Variants in ADAM22 observed in about 807,000 individuals in gnomAD.
ADAM22 encodes the protein ADAM metallopeptidase domain 22.
A neutral mutation model predicts 144.6 loss-of-function variants in ADAM22; 65 were observed. The ratio of observed to expected loss-of-function variants is 0.45; its 90% CI spans 0.37 to 0.55. The LOEUF is 0.55. Among genes scored for constraint, ADAM22 ranks in the 20% least tolerant of loss-of-function variants. The probability of loss-of-function intolerance (pLI) is 0.00; values close to 1 mark genes in which losing one functional copy is unlikely to be tolerated. For missense variants in ADAM22, 974 were observed against 1,184.9 expected, an observed-to-expected ratio of 0.82 and a Z score of 2.61; for synonymous variants, 391 against 412.6, an observed-to-expected ratio of 0.95 and a Z score of 0.63.
intron 3 of ADAM22, among the ~76,000 whole-genome samples, chr7:88,006,028 G>A (rs1793760500): frequency 6.6e-6 from 1 of 151,864 alleles, no homozygotes; most frequent in South Asian, 2.1e-4. Flanking sequence ...TTCTCTTAAG[G>A]TAATAGTCAT....
At chr7:88,014,856 A>T (rs1013399386) in intron 3 of ADAM22, among the ~76,000 whole-genome samples, 2 of 152,196 alleles carry the variant, frequency 1.3e-5, no homozygotes, top group Non-Finnish European at 2.9e-5. Flanking sequence ...CTGCAGCAGA[A>T]TCACTTGGAT....
chr7:88,105,433 C>G (rs1414410668), intron 4 of ADAM22, among the ~76,000 whole-genome samples: 2 of 152,178 alleles, frequency 1.3e-5, no homozygotes, highest in Non-Finnish European at 2.9e-5. Flanking sequence ...GATCTCTGAT[C>G]CAATCCGATG....
intron 14 of ADAM22, among the ~76,000 whole-genome samples, chr7:88,138,495 C>T (rs1018143322): frequency 2.0e-5 from 3 of 152,060 alleles, no homozygotes; most frequent in Non-Finnish European, 2.9e-5. Context: ...TTGATTGCAC[C>T]AAATATCACC....
intron 3 of ADAM22, among the ~76,000 whole-genome samples, chr7:87,981,393 C>A (rs111760081): frequency 8.5e-5 from 13 of 152,074 alleles, no homozygotes; most frequent in African/African-American, 2.9e-4. Flanking sequence ...ATTTCAATAA[C>A]AACGAAATGG....
chr7:87,948,812 CTTATGAAACAGATTGTAAT>C (rs1385144541), intron 2 of ADAM22, among the ~76,000 whole-genome samples: 1 of 152,106 alleles, frequency 6.6e-6, no homozygotes, highest in Non-Finnish European at 1.5e-5. Flanking sequence ...AGAAGGTGTT[CTTATGAAACAGATTGTAAT>C]GTTGGGCTCA....
chr7:88,022,179 A>AACC (rs1797986578), intron 3 of ADAM22, among the ~76,000 whole-genome samples: 1 of 152,004 alleles, frequency 6.6e-6, no homozygotes, highest in Admixed American at 6.6e-5. Flanking sequence ...TACAGGCATG[A>AACC]ACCACCACTC....
chr7:88,163,960 G>A (rs576668223), intron 23 of ADAM22, among the ~76,000 whole-genome samples: 49 of 152,178 alleles, frequency 3.2e-4, no homozygotes, highest in Middle Eastern at 3.4e-3. Context: ...TAAGATAAAG[G>A]ATCCCTGTTT....
intron 3 of ADAM22, among the ~76,000 whole-genome samples, chr7:87,994,161 A>G (rs1584890078): frequency 6.7e-6 from 1 of 149,502 alleles, no homozygotes; most frequent in African/African-American, 2.5e-5. Context: ...AGTTACTGTC[A>G]TTCCTTTTTT....
intron 7 of ADAM22, among the ~76,000 whole-genome samples, chr7:88,119,022 G>A (rs564899685): frequency 1.3e-5 from 2 of 152,112 alleles, no homozygotes; most frequent in Non-Finnish European, 2.9e-5. Flanking sequence ...TCATCATCTT[G>A]TTATGTTTTA....
chr7:88,186,463 A>T (rs1433726451), intron 29 of ADAM22, 152 bp from the exon 30 acceptor site: 1 of 692,962 alleles, frequency 1.4e-6, no homozygotes, highest in Admixed American at 2.5e-5. Context: ...CATTGTATAG[A>T]CTGCCTCATA....
In ADAM22 at chr7:88,174,691, TTGTC is replaced by T. The variant is rs200627759; in HGVS notation, c.2300+3133_2300+3136del. 9.7e-4 allele frequency among the ~76,000 whole-genome samples: 147 copies of T among 152,250 alleles called. 4 individuals are homozygous for T. In the East Asian group the frequency reaches 0.018, roughly 19 times the overall value. Reference sequence around the variant, plus strand: ...TTAGCTGAAATCTTATTCTCTTCCTTTGTCTGAGATGAACACACACCATTATGAT... The same window carrying T: ...TTAGCTGAAATCTTATTCTCTTCCTTTGAGATGAACACACACCATTATGAT... On this transcript the variant is annotated intron_variant, in intron 26 of 31. Transcript: ENST00000413139.
intron 3 of ADAM22, among the ~76,000 whole-genome samples, chr7:88,051,543 G>T (rs1198676581): frequency 6.6e-6 from 1 of 151,778 alleles, no homozygotes; most frequent in Non-Finnish European, 1.5e-5. Context: ...ACACACCGGG[G>T]CCTGTTGTGG....
At chr7:87,936,386 T>A (rs1231239777) in intron 2 of ADAM22, among the ~76,000 whole-genome samples, 4 of 152,208 alleles carry the variant, frequency 2.6e-5, no homozygotes, top group African/African-American at 4.8e-5. Flanking sequence ...CTCGTTTCAA[T>A]GGTAAAACTG....
intron 24 of ADAM22, among the ~76,000 whole-genome samples, chr7:88,167,100 A>G (rs946356052): frequency 2.0e-5 from 3 of 152,146 alleles, no homozygotes; most frequent in Admixed American, 6.5e-5. Flanking sequence ...TGCCACTACT[A>G]TCATGGAGAA....
At chr7:88,108,454 G>T (rs187136998) in intron 5 of ADAM22, among the ~76,000 whole-genome samples, 196 bp downstream of exon 5, 2 of 151,770 alleles carry the variant, frequency 1.3e-5, no homozygotes, top group Non-Finnish European at 2.9e-5. Flanking sequence ...ATGGTCGGGC[G>T]TGGTGGCTCA....
Position 88,168,227 on chromosome 7 carries a change from A to C in ADAM22, c.2282A>C (p.Lys761Thr). 1 of 1,611,372 alleles carries C rather than the reference A, an allele frequency of 6.2e-7. No individual in the cohort carries two copies. The highest frequency in any genetic ancestry group is 8.5e-7 in the Non-Finnish European group (1 of 1,177,864). The stretch of plus-strand genomic sequence containing the variant: ...TTAGGAATAACTGCGTGGGGTTATA[A>C]GTAAGTGAAATGTCTCAGTCTTGTT... ...LILGITAWGY[K>T]NYREQRQLPQ... The change falls in exon 25 of 32, where the codon AAA becomes ACA. Residue 761 changes from lysine (K) to threonine (T), a missense_variant and splice_region_variant. Lys to Thr is a moderately conservative substitution (Grantham distance 78). Around this residue, in one of 2 missense-constraint regions of ADAM22, gnomAD observed 734 missense variants for 950.6 expected, o/e 0.77. Coordinates refer to ENST00000413139, the MANE Select transcript of ADAM22 (RefSeq NM_001324418.2).
chr7:88,014,601 G>C (rs112808220), intron 3 of ADAM22, among the ~76,000 whole-genome samples: 5,009 of 152,198 alleles, frequency 0.033, 243 homozygotes, highest in African/African-American at 0.11. Context: ...AAATTAGTCA[G>C]GGGTGGTGGC....
chr7:88,162,097 T>TACAC (rs61053925), intron 22 of ADAM22, among the ~76,000 whole-genome samples: 9,533 of 136,672 alleles, frequency 0.07, 366 homozygotes, highest in South Asian at 0.11. Flanking sequence ...AAATGTGTAA[T>TACAC]ACACACACAC....
At chr7:87,983,519 T>G (rs1386395007) in intron 3 of ADAM22, among the ~76,000 whole-genome samples, 3 of 152,156 alleles carry the variant, frequency 2.0e-5, no homozygotes, top group Non-Finnish European at 4.4e-5. Context: ...TTATTGAACT[T>G]TCTTATTTTT....
Sources: allele counts gnomAD v4.1 joint callset (sites outside exome capture counted in the v4.1 genomes callset), GRCh38; gene constraint gnomAD v4.1.1; regional missense constraint gnomAD v4.1.1; transcripts MANE v1.5; gene names NCBI Gene and HGNC (gene_info 2026-07-23, HGNC 2026-07-21).